PLIN3: variants seen among roughly 807,000 people sequenced by gnomAD.
PLIN3 encodes the protein perilipin 3.
PLIN3 carries 30 observed loss-of-function variants against 35.9 expected under a neutral mutation model. That is an observed-to-expected ratio of 0.84 (90% CI 0.62 to 1.13). The LOEUF is 1.13. Ranked by LOEUF, PLIN3 falls within the 50% of genes most tolerant of loss-of-function variation. The pLI is 0.00. For missense variants in PLIN3, 603 were observed against 596.9 expected (o/e 1.01, Z -0.11); for synonymous variants, 261 against 262.5 (o/e 0.99, Z 0.06).
chr19:4,860,435 C>T (rs1056695703), intron 2 of PLIN3, among the ~76,000 whole-genome samples: 4 of 151,966 alleles, frequency 2.6e-5, no homozygotes, highest in East Asian at 2.0e-4. Flanking sequence ...GAACTCCTGA[C>T]CTCGTGATTC....
intron 5 of PLIN3, among the ~76,000 whole-genome samples, chr19:4,850,876 C>T (rs1341749515): frequency 2.0e-5 from 3 of 152,012 alleles, no homozygotes; most frequent in African/African-American, 7.2e-5. Flanking sequence ...TGCCTATATC[C>T]TAAGCTACTT....
intron 1 of PLIN3, among the ~76,000 whole-genome samples, chr19:4,864,990 G>C (rs2030802135): frequency 6.6e-6 from 1 of 152,088 alleles, no homozygotes; most frequent in South Asian, 2.1e-4. Context: ...AGGAGTTCAA[G>C]AGCAGCCTGG....
At chr19:4,867,544 C>T (rs989553623) in intron 1 of PLIN3, 65 bp downstream of exon 1, 2 of 152,100 alleles carry the variant, frequency 1.3e-5, no homozygotes, top group Non-Finnish European at 2.9e-5. Flanking sequence ...CCTCCGGCCC[C>T]TGGGGTGCCC....
At chr19:4,847,192 T>A (rs921424904) in intron 6 of PLIN3, among the ~76,000 whole-genome samples, 261 of 3,298 alleles carry the variant, frequency 0.079, 2 homozygotes, top group Non-Finnish European at 0.11. Context: ...CTGGCCACGA[T>A]TTTTTTTTTT....
intron 6 of PLIN3, 37 bp from the exon 7 acceptor site, chr19:4,844,830 C>A (rs1349848989): frequency 1.3e-6 from 2 of 1,550,166 alleles, no homozygotes; most frequent in Admixed American, 2.1e-5. Flanking sequence ...GAAGGAGGCT[C>A]CCCTGGGAGA....
At chr19:4,860,056 G>A in intron 2 of PLIN3, 32 bp from the exon 3 acceptor site, 4 of 1,604,842 alleles carry the variant, frequency 2.5e-6, no homozygotes, top group Non-Finnish European at 3.4e-6. Context: ...GGCAAACTGG[G>A]TGGGGGAAGA....
intron 6 of PLIN3, 47 bp downstream of exon 6, chr19:4,847,644 C>A: frequency 6.7e-7 from 1 of 1,490,212 alleles, no homozygotes; most frequent in East Asian, 2.4e-5. Context: ...GTGTCTGCTG[C>A]GGGGTGAAGG....
chr19:4,864,153 T>C (rs1256426229), intron 1 of PLIN3, among the ~76,000 whole-genome samples: 1 of 126,882 alleles, frequency 7.9e-6, no homozygotes, highest in Admixed American at 8.8e-5. Flanking sequence ...GTGTGTGTGG[T>C]TTTGTTTTTT....
intron 2 of PLIN3, among the ~76,000 whole-genome samples, chr19:4,860,533 A>G (rs1413843262): frequency 2.0e-5 from 3 of 152,098 alleles, no homozygotes; most frequent in Non-Finnish European, 4.4e-5. Flanking sequence ...GGCTATTTAC[A>G]TGAGCCTGCA....
At chr19:4,863,971 C>G (rs544579944) in intron 1 of PLIN3, among the ~76,000 whole-genome samples, 1 of 152,016 alleles carries the variant, frequency 6.6e-6, no homozygotes. Context: ...TCCGCTCTGT[C>G]GCCCAGGCTG....
At chr19:4,851,619 T>C (rs1038446861) in intron 5 of PLIN3, among the ~76,000 whole-genome samples, 4 of 151,912 alleles carry the variant, frequency 2.6e-5, no homozygotes, top group Non-Finnish European at 5.9e-5. Flanking sequence ...AGTCACGTAT[T>C]TATGCAGGAG....
intron 4 of PLIN3, among the ~76,000 whole-genome samples, chr19:4,856,448 C>T (rs917230645): frequency 7.2e-5 from 11 of 152,056 alleles, no homozygotes; most frequent in African/African-American, 2.6e-4. Flanking sequence ...ATCCCAGCTA[C>T]TCGGGAGGCT....
At chr19:4,853,060 C>T (rs1164228601) in intron 4 of PLIN3, among the ~76,000 whole-genome samples, 3 of 152,094 alleles carry the variant, frequency 2.0e-5, no homozygotes, top group Non-Finnish European at 4.4e-5. Context: ...GATCCGCCCA[C>T]CTCAGCCTCC....
intron 1 of PLIN3, among the ~76,000 whole-genome samples, chr19:4,863,176 A>T (rs962758852): frequency 1.3e-5 from 2 of 148,462 alleles, no homozygotes; most frequent in African/African-American, 5.0e-5. Context: ...AAACAAAAAT[A>T]AGTGTATCCC....
rs186210004 is a variant in PLIN3 at position 4,839,170 on chromosome 19, C to A, written c.*22G>T. 1 of 1,566,662 alleles carries A rather than the reference C, an allele frequency of 6.4e-7. No individual in the cohort carries two copies. Among genetic ancestry groups the A allele is most frequent in the Non-Finnish European group, 8.7e-7 (1 of 1,148,302 alleles). Reference sequence around the variant, plus strand: ...ACAGCTGCATTATAGAGACGGGGCCCGCTGAGTCCTCTCCTCTCCCCCTAC... The same window carrying A: ...ACAGCTGCATTATAGAGACGGGGCCAGCTGAGTCCTCTCCTCTCCCCCTAC... On this transcript the variant is annotated 3_prime_UTR_variant, in exon 8 of 8. Coordinates refer to ENST00000221957, the MANE Select transcript of PLIN3 (RefSeq NM_005817.5).
intron 4 of PLIN3, among the ~76,000 whole-genome samples, chr19:4,856,952 C>A (rs975699931): frequency 6.6e-6 from 1 of 152,002 alleles, no homozygotes; most frequent in South Asian, 2.1e-4. Flanking sequence ...GTGATCTGCA[C>A]GCTTCGGCCT....
Position 4,859,939 on chromosome 19 carries a change from TCCTTGGTGGAGGCATAGGCTGCGGACA to T in PLIN3, c.125_151del (p.Val42_Lys50del). 1 of 1,614,104 alleles carries T rather than the reference TCCTTGGTGGAGGCATAGGCTGCGGACA, an allele frequency of 6.2e-7. No individual in the cohort carries two copies. Among genetic ancestry groups the T allele is most frequent in the Non-Finnish European group, 8.5e-7 (1 of 1,180,002 alleles). ...GACAGTCTTGATGTGCGGGTAGCTC[TCCTTGGTGGAGGCATAGGCTGCGGACA>T]CCATGTCGCAGGTGGAGCTGATCAG... On this transcript the variant is annotated inframe_deletion, in exon 3 of 8. Coordinates refer to ENST00000221957, the MANE Select transcript of PLIN3 (RefSeq NM_005817.5).
At position 4,844,725 on chromosome 19, in the gene PLIN3, C is replaced by T. The variant is rs966441740; in HGVS notation, c.903G>A (p.Trp301Ter). Residue 301 changes from tryptophan (W) to a stop codon, truncating the protein, a stop_gained, in exon 7 of 8, where the codon TGG becomes TGA. Transcript: ENST00000221957. LOFTEE classifies it high-confidence loss of function. ...VEGQEKLHQM[W>*]LSWNQKQLQG... is the part of the protein sequence containing the mutation. The stretch of plus-strand genomic sequence containing the variant: ...GGAGCTGCTTCTGGTTCCAGCTGAG[C>T]CACATCTGGTGCAGCTTCTCCTGGC... 14 of 1,607,088 alleles carry T rather than the reference C, an allele frequency of 8.7e-6. No individual in the cohort carries two copies. The African/African-American group carries it at 1.9e-4, about 21-fold the overall frequency.
chr19:4,845,638 T>C (rs2030062439), intron 6 of PLIN3, among the ~76,000 whole-genome samples: 5 of 151,704 alleles, frequency 3.3e-5, no homozygotes, highest in African/African-American at 9.7e-5. Context: ...AAAAGAAAAA[T>C]AGTCGGCCGA....
Sources: allele counts gnomAD v4.1 joint callset (sites outside exome capture counted in the v4.1 genomes callset), GRCh38; gene constraint gnomAD v4.1.1; transcripts MANE v1.5; gene names NCBI Gene and HGNC (gene_info 2026-07-23, HGNC 2026-07-21).